Variants in PCDHA1 observed in about 807,000 individuals in gnomAD.
The protein encoded by PCDHA1 is protocadherin alpha-1.
PCDHA1 carries 42 observed loss-of-function variants against 61.3 expected under a neutral mutation model. The observed-to-expected ratio is 0.69, with a 90% CI of 0.54 to 0.89. The LOEUF is 0.89. Ranked by LOEUF, PCDHA1 falls within the 40% of genes least tolerant of loss-of-function variation. The pLI is 0.00. For synonymous variants in PCDHA1, 610 were observed against 553.8 expected (o/e 1.10, Z -1.43); for missense variants, 1,256 against 1,235.3 (o/e 1.02, Z -0.25).
At chr5:140,822,974 TC>T in intron 1 of PCDHA1, 1 of 1,614,226 alleles carries the variant, frequency 6.2e-7, no homozygotes, top group Admixed American at 1.7e-5. Flanking sequence ...GTGTCCACCT[TC>T]AAGAATTACT....
intron 1 of PCDHA1, among the ~76,000 whole-genome samples, chr5:140,920,769 G>T (rs2153558518): frequency 6.6e-6 from 1 of 151,918 alleles, no homozygotes; most frequent in African/African-American, 2.4e-5. Context: ...GCTTACACCT[G>T]GGAGGTGGAG....
intron 1 of PCDHA1, among the ~76,000 whole-genome samples, chr5:140,932,809 CAT>C (rs782729907): frequency 3.3e-5 from 5 of 151,746 alleles, no homozygotes; most frequent in Admixed American, 6.6e-5. Flanking sequence ...ACCTTGGAAA[CAT>C]ATAAGTGGGA....
intron 1 of PCDHA1, chr5:140,862,642 G>A: frequency 1.8e-6 from 1 of 540,964 alleles, no homozygotes; most frequent in South Asian, 1.4e-5. Context: ...CGACTTCACA[G>A]TGTCCGCGCG....
rs138948867 is a variant in PCDHA1 at position 140,849,674 on chromosome 5, C to T, written c.2394+60990C>T. 1.4e-4 allele frequency: 225 copies of T among 1,598,712 alleles called. 14 individuals carry two copies. The African/African-American group carries it at 2.2e-3, about 16-fold the overall frequency. On this transcript the variant is annotated intron_variant, in intron 1 of 3. Coordinates refer to ENST00000504120, the MANE Select transcript of PCDHA1 (RefSeq NM_018900.4). The stretch of plus-strand genomic sequence containing the variant: ...TTACCTGCTCCCTGACGCCCCACGT[C>T]CCCTTCAAGCTGGTGTCCACCTACA...
intron 1 of PCDHA1, chr5:140,809,861 A>G: frequency 3.5e-6 from 1 of 287,918 alleles, no homozygotes; most frequent in South Asian, 6.6e-5. Context: ...TTTAGAAAAC[A>G]TTTTACTATT....
At chr5:141,000,513 C>G (rs1258002727) in intron 3 of PCDHA1, among the ~76,000 whole-genome samples, 2 of 143,802 alleles carry the variant, frequency 1.4e-5, no homozygotes, top group African/African-American at 5.2e-5. Context: ...CTGCAACCTC[C>G]TTCTCCAGGG....
chr5:140,986,397 C>G (rs943993265), intron 3 of PCDHA1, among the ~76,000 whole-genome samples: 1 of 152,162 alleles, frequency 6.6e-6, no homozygotes. Context: ...AAGGGCCAGT[C>G]GCTCATGTTA....
rs149179821 is a variant in PCDHA1 at position 141,012,224 on chromosome 5, C to T, written c.*2287C>T. 2 of 153,832 alleles carry T rather than the reference C, an allele frequency of 1.3e-5. No homozygotes were observed. Among genetic ancestry groups the T allele is most frequent in the East Asian group, 3.9e-4 (2 of 5,184 alleles). 9.5% of individuals were successfully genotyped at this position (153,832 alleles called of 1,614,324 possible). On this transcript the variant is annotated 3_prime_UTR_variant, in exon 4 of 4. Coordinates refer to ENST00000504120, the MANE Select transcript of PCDHA1 (RefSeq NM_018900.4). ...CTTTTTACATTTGCGAAGTGCTTTC[C>T]AATCCATGTTAGTTACTAGTTATTA...
intron 1 of PCDHA1, among the ~76,000 whole-genome samples, chr5:140,942,504 G>C (rs2093309107): frequency 6.6e-6 from 1 of 151,936 alleles, no homozygotes; most frequent in Admixed American, 6.6e-5. Flanking sequence ...ATGGTATCTA[G>C]GAAACTCAGA....
chr5:140,928,846 C>T, intron 1 of PCDHA1: 1 of 1,614,192 alleles, frequency 6.2e-7, no homozygotes, highest in Non-Finnish European at 8.5e-7. Context: ...CTCTGTCACT[C>T]TGGGTGTGCT....
intron 1 of PCDHA1, chr5:140,877,603 C>G: frequency 6.2e-7 from 1 of 1,613,858 alleles, no homozygotes; most frequent in Non-Finnish European, 8.5e-7. Flanking sequence ...GTCCAGCCTG[C>G]TGGTGCTCAC....
At chr5:140,828,379 C>A in intron 1 of PCDHA1, 2 of 1,614,236 alleles carry the variant, frequency 1.2e-6, no homozygotes, top group Non-Finnish European at 1.7e-6. Flanking sequence ...AGGAGCTGTG[C>A]GGGCGGAGCG....
intron 1 of PCDHA1, among the ~76,000 whole-genome samples, chr5:140,873,139 A>G (rs1325307438): frequency 6.6e-6 from 1 of 152,216 alleles, no homozygotes; most frequent in Non-Finnish European, 1.5e-5. Context: ...TCTATGCTGA[A>G]GCCTATTCAT....
intron 1 of PCDHA1, chr5:140,929,117 T>C (rs1554206704): frequency 1.9e-6 from 3 of 1,614,160 alleles, no homozygotes; most frequent in African/African-American, 2.7e-5. Context: ...TCAGCCACCA[T>C]AGATGTCACT....
intron 1 of PCDHA1, among the ~76,000 whole-genome samples, chr5:140,915,396 C>T (rs1554196881): frequency 6.6e-6 from 1 of 152,116 alleles, no homozygotes; most frequent in African/African-American, 2.4e-5. Context: ...CTAGGTATTT[C>T]TTATAGTCTT....
rs546664193 is a variant in PCDHA1 at position 140,787,437 on chromosome 5, G to C, written c.1147G>C (p.Gly383Arg). The C allele has an allele frequency of 6.2e-7, 1 of 1,614,198 alleles. No individual in the cohort carries two copies. The highest frequency in any genetic ancestry group is 8.5e-7 in the Non-Finnish European group (1 of 1,180,028). ...TVSDRDSGAN[G>R]QVTCSLMPHV... is the part of the protein sequence containing the mutation. ...GTCTGACCGTGACTCAGGTGCCAAC[G>C]GGCAGGTGACTTGCTCCTTAATGCC... Residue 383 changes from glycine to arginine, a missense_variant, in exon 1 of 4, where the codon GGG becomes CGG. Physicochemically the swap from Gly to Arg is moderately radical, Grantham distance 125. Transcript: ENST00000504120.
rs2150475866 is a variant in PCDHA1 at position 140,850,252 on chromosome 5, GCGC to G, written c.2394+61571_2394+61573del. The G allele has an allele frequency of 1.9e-6, 3 of 1,593,828 alleles. 1 individual carries two copies. The Admixed American group carries it at 5.1e-5, about 27-fold the overall frequency. On this transcript the variant is annotated intron_variant, in intron 1 of 3. Transcript: ENST00000504120. ...AGCGAGATGGTGCTGCGGTCGGTGG[GCGC>G]CGGCGTAGTGGTGGGGAAGGTGCGC...
In PCDHA1 at chr5:140,850,494, G is replaced by A. The variant is rs140796784; in HGVS notation, c.2394+61810G>A. ...GCTGACGGCCACGGCCACTGTGCTGGTGTCGCTGGTGGAGAGCGGCCAGGC... is the reference window on the plus strand; with the variant it reads ...GCTGACGGCCACGGCCACTGTGCTGATGTCGCTGGTGGAGAGCGGCCAGGC... On this transcript the variant is annotated intron_variant, in intron 1 of 3. Transcript: ENST00000504120. The A allele has an allele frequency of 3.1e-5, 50 of 1,598,140 alleles. 3 individuals carry two copies. In the African/African-American group the frequency reaches 5.6e-4, roughly 18 times the overall value.
At chr5:140,959,614 G>T (rs1175211325) in intron 1 of PCDHA1, among the ~76,000 whole-genome samples, 1 of 152,024 alleles carries the variant, frequency 6.6e-6, no homozygotes, top group African/African-American at 2.4e-5. Context: ...TTTCTTGCTT[G>T]TGATAGAAAA....
Sources: allele counts gnomAD v4.1 joint callset (sites outside exome capture counted in the v4.1 genomes callset), GRCh38; gene constraint gnomAD v4.1.1; transcripts MANE v1.5; gene names NCBI Gene and HGNC (gene_info 2026-07-23, HGNC 2026-07-21).